LGALS12: variants seen among roughly 807,000 people sequenced by gnomAD.
LGALS12 encodes the protein galectin-12.
A neutral mutation model predicts 36.8 loss-of-function variants in LGALS12; 36 were observed. The observed-to-expected ratio is 0.98, with a 90% CI of 0.75 to 1.29. The LOEUF (loss-of-function observed/expected upper bound fraction) is 1.29. Among genes scored for constraint, LGALS12 ranks in the 50% most tolerant of loss-of-function variants. The pLI, the probability that LGALS12 is intolerant of heterozygous loss-of-function variation, is 0.00. For synonymous variants in LGALS12, 145 were observed against 155.9 expected, an observed-to-expected ratio of 0.93 and a Z score of 0.52; for missense variants, 366 against 394.3, an observed-to-expected ratio of 0.93 and a Z score of 0.61.
chr11:63,510,886 C>T (rs1195953760), intron 5 of LGALS12, among the ~76,000 whole-genome samples, 193 bp from the exon 6 acceptor site: 1 of 152,214 alleles, frequency 6.6e-6, no homozygotes, highest in African/African-American at 2.4e-5. Context: ...AATCCTCCAC[C>T]CCGTTCTTCC....
chr11:63,508,200 T>TCCTC, intron 1 of LGALS12: 1 of 1,144,516 alleles, frequency 8.7e-7, no homozygotes, highest in South Asian at 2.2e-5. Context: ...AAAGCCCCAG[T>TCCTC]ACCAGGCTTC....
intron 7 of LGALS12, among the ~76,000 whole-genome samples, chr11:63,514,464 C>T (rs942262074): frequency 4.6e-5 from 7 of 152,126 alleles, no homozygotes; most frequent in Middle Eastern, 3.4e-3. Context: ...CCAGCTACTC[C>T]GGAGGCTGAG....
In LGALS12 at chr11:63,516,572, A is replaced by G. The variant is rs2017090995; in HGVS notation, c.*179A>G. The G allele has an allele frequency of 1.4e-6, 1 of 698,670 alleles. No homozygotes were observed. The highest frequency in any genetic ancestry group is 1.8e-5 in the African/African-American group (1 of 55,794). The allele number at this position is 698,670 out of a possible 1,614,324, so 43.3% of individuals were successfully genotyped here. A position where few individuals can be genotyped will look rare whatever the true frequency, so the allele number is the denominator to read the frequency against. On this transcript the variant is annotated 3_prime_UTR_variant, in exon 9 of 9. Coordinates refer to ENST00000394618, the MANE Select transcript of LGALS12 (RefSeq NM_033101.4). The stretch of plus-strand genomic sequence containing the variant: ...GCCTGAGGGAAGGCACAAGAGTGCA[A>G]AGGTTCCTCGAACTCTGCACCTTCC...
chr11:63,514,124 G>A (rs1026436725), intron 7 of LGALS12, among the ~76,000 whole-genome samples: 1 of 152,136 alleles, frequency 6.6e-6, no homozygotes, highest in African/African-American at 2.4e-5. Context: ...GAAACTTACG[G>A]GGCCTCCTCC....
chr11:63,508,429 G>A, intron 1 of LGALS12, 124 bp from the exon 2 acceptor site: 4 of 1,478,326 alleles, frequency 2.7e-6, no homozygotes, highest in Non-Finnish European at 3.6e-6. Flanking sequence ...TTACCTATAA[G>A]GAATTTTCTG....
intron 1 of LGALS12, among the ~76,000 whole-genome samples, chr11:63,507,725 CTTTTTTTT>C (rs199594642): frequency 2.9e-5 from 2 of 69,924 alleles, no homozygotes; most frequent in Non-Finnish European, 5.5e-5. Context: ...CAGGCAACTT[CTTTTTTTT>C]TTTTTTTTTT....
chr11:63,510,555 T>C, intron 5 of LGALS12, 54 bp downstream of exon 5: 1 of 1,556,288 alleles, frequency 6.4e-7, no homozygotes, highest in Non-Finnish European at 8.9e-7. Context: ...CCCGCCCTTC[T>C]GGACTGCTGC....
In LGALS12 at chr11:63,506,276, G is replaced by T; in HGVS notation, c.-183G>T. On this transcript the variant is annotated 5_prime_UTR_variant, in exon 1 of 9. Transcript: ENST00000394618. ...GGGAGTGGGGCTGGTGTGGAGCCTG[G>T]AGGTCGCCCGCTGCCCTCCTAGGGC... 1 of 1,181,318 alleles carries T rather than the reference G, an allele frequency of 8.5e-7. No homozygotes were observed. Among genetic ancestry groups the T allele is most frequent in the Non-Finnish European group, 1.2e-6 (1 of 842,170 alleles). 73.2% of individuals were successfully genotyped at this position (1,181,318 alleles called of 1,614,324 possible).
intron 1 of LGALS12, chr11:63,508,329 T>C: frequency 7.1e-7 from 1 of 1,399,196 alleles, no homozygotes; most frequent in Non-Finnish European, 9.3e-7. Flanking sequence ...GGGAGCGGAA[T>C]TTGACTTCTC....
chr11:63,510,321 A>G (rs890939275), intron 4 of LGALS12, 142 bp from the exon 5 acceptor site: 3 of 790,672 alleles, frequency 3.8e-6, no homozygotes, highest in Admixed American at 4.8e-5. Context: ...GATGTTCAAA[A>G]TGCCAGCAAG....
chr11:63,513,644 A>G (rs1345543096), intron 7 of LGALS12, among the ~76,000 whole-genome samples: 3 of 152,208 alleles, frequency 2.0e-5, no homozygotes, highest in Admixed American at 6.5e-5. Flanking sequence ...GCTGCAACCA[A>G]TGCAGCTGCT....
chr11:63,512,711 C>T lies in LGALS12; in HGVS notation c.647+871C>T, dbSNP rs181686690. On this transcript the variant is annotated intron_variant, in intron 7 of 8. Transcript: ENST00000394618. ...GGCTGAGGCAGGAGAATCGCTTATA[C>T]CCGGGAGGCAGAGGTTGCAGTGATC... is the stretch of plus-strand genomic sequence containing the variant. Among the ~76,000 whole-genome samples, 1,187 of 145,398 alleles carry T rather than the reference C, an allele frequency of 8.2e-3. 16 individuals are homozygous for T. The highest frequency in any genetic ancestry group is 0.031 in the African/African-American group (1,109 of 35,310).
intron 4 of LGALS12, 72 bp from the exon 5 acceptor site, chr11:63,510,391 C>T: frequency 4.0e-6 from 6 of 1,491,660 alleles, no homozygotes; most frequent in Middle Eastern, 1.7e-4. Context: ...GGGCTCTGCC[C>T]ACCTCCCAGG....
At position 63,516,270 on chromosome 11, in the gene LGALS12, A is replaced by C; in HGVS notation, c.822A>C (p.Gly274=). Residue 274 remains glycine, a synonymous_variant, in exon 9 of 9, where the codon GGA becomes GGC. Coordinates refer to ENST00000394618, the MANE Select transcript of LGALS12 (RefSeq NM_033101.4). ...AGGTGCTGCTCCTGTTCCAGGAGGG[A>C]GGGCTGAAGCTGGCGCTCAATGGGC... The part of the protein sequence containing the change: ...FFEVLLLFQE[G]GLKLALNGQG... The C allele has an allele frequency of 6.3e-7, 1 of 1,592,342 alleles. No homozygotes were observed. Among genetic ancestry groups the C allele is most frequent in the Non-Finnish European group, 8.5e-7 (1 of 1,170,040 alleles).
At chr11:63,511,392 C>T (rs1316336770) in intron 6 of LGALS12, among the ~76,000 whole-genome samples, 1 of 152,228 alleles carries the variant, frequency 6.6e-6, no homozygotes, top group Non-Finnish European at 1.5e-5. Flanking sequence ...TGATACTTCT[C>T]TGTGCCAGGC....
intron 4 of LGALS12, 73 bp downstream of exon 4, chr11:63,509,970 A>G: frequency 6.5e-7 from 1 of 1,541,858 alleles, no homozygotes. Context: ...CGGGCCTGGG[A>G]CCCCTTCCTC....
At chr11:63,512,071 C>T (rs1428391222) in intron 7 of LGALS12, among the ~76,000 whole-genome samples, 3 of 152,224 alleles carry the variant, frequency 2.0e-5, no homozygotes, top group Non-Finnish European at 4.4e-5. Flanking sequence ...CCTGCTGGTA[C>T]ATCTAGTCAG....
chr11:63,516,238 C>T lies in LGALS12; in HGVS notation c.799-9C>T, dbSNP rs775836083. On this transcript the variant is annotated splice_polypyrimidine_tract_variant and intron_variant, in intron 8 of 8. Transcript: ENST00000394618. ...GAAGCTGCAACCCCCTCATGTCCTC[C>T]TTTCCCAGGTGCTGCTCCTGTTCCA... 6.4e-7 allele frequency: 1 copy of T among 1,552,336 alleles called. No individual in the cohort carries two copies. The highest frequency in any genetic ancestry group is 1.4e-5 in the African/African-American group (1 of 72,780).
chr11:63,509,116 A>G, intron 3 of LGALS12, 125 bp downstream of exon 3: 1 of 794,526 alleles, frequency 1.3e-6, no homozygotes, highest in Non-Finnish European at 2.1e-6. Context: ...CAAGAGGACC[A>G]AGGAGCTGCC....
Sources: gnomAD v4.1 joint callset for allele counts (sites outside exome capture counted in the v4.1 genomes callset) on GRCh38, gnomAD v4.1.1 for gene constraint, MANE v1.5 for transcripts, NCBI Gene and HGNC (gene_info 2026-07-23, HGNC 2026-07-21) for gene names.